APPBP2: variants seen among roughly 807,000 people sequenced by gnomAD.
APPBP2 encodes amyloid protein-binding protein 2.
Under a neutral mutation model 76.0 loss-of-function variants are expected in APPBP2, and 15 were observed. That is an observed-to-expected ratio of 0.20 (90% CI 0.13 to 0.30). The LOEUF (loss-of-function observed/expected upper bound fraction) is 0.30, where lower values mean the gene tolerates loss of function less well. APPBP2 is among the 10% of genes least tolerant of loss of function. The probability of loss-of-function intolerance (pLI) is 1.00; values close to 1 mark genes in which losing one functional copy is unlikely to be tolerated. For synonymous variants in APPBP2, 222 were observed against 242.2 expected (o/e 0.92, Z 0.77); for missense variants, 401 against 687.2 (o/e 0.58, Z 4.66).
chr17:60,524,991 CA>C (rs1292011888), intron 1 of APPBP2, among the ~76,000 whole-genome samples: 1 of 152,204 alleles, frequency 6.6e-6, no homozygotes, highest in East Asian at 1.9e-4. Context: ...CATCTAAGGA[CA>C]CTTACCCTTG....
At chr17:60,516,425 C>A (rs534596648) in intron 1 of APPBP2, among the ~76,000 whole-genome samples, 50 of 152,204 alleles carry the variant, frequency 3.3e-4, no homozygotes, top group Admixed American at 2.4e-3. Flanking sequence ...TTTCTTTTGG[C>A]CTGGGGTTGC....
chr17:60,511,441 T>A (rs557357700), intron 1 of APPBP2, among the ~76,000 whole-genome samples: 51 of 151,910 alleles, frequency 3.4e-4, no homozygotes, highest in Non-Finnish European at 6.5e-4. Context: ...AAAAATTAGC[T>A]GGGCGTGGTG....
intron 3 of APPBP2, among the ~76,000 whole-genome samples, chr17:60,481,575 A>G (rs890194876): frequency 1.9e-4 from 29 of 152,320 alleles, no homozygotes; most frequent in African/African-American, 6.0e-4. Context: ...TAGTTTGACA[A>G]TCCCTAAAAA....
At chr17:60,488,179 C>T (rs1225983302) in intron 3 of APPBP2, among the ~76,000 whole-genome samples, 1 of 152,158 alleles carries the variant, frequency 6.6e-6, no homozygotes. Context: ...GGGTCAGGGA[C>T]CCACTTGAGG....
chr17:60,470,824 TC>T (rs975227811), intron 4 of APPBP2, among the ~76,000 whole-genome samples: 15 of 129,104 alleles, frequency 1.2e-4, no homozygotes, highest in African/African-American at 4.5e-4. Context: ...GGGGTCTTGC[TC>T]TGTTGCCCAG....
rs1301210948 is a variant in APPBP2 at position 60,454,479 on chromosome 17, C to T, written c.1161G>A (p.Glu387=). Residue 387 remains glutamate (E), a synonymous_variant, in exon 11 of 13, where the codon GAG becomes GAA. Coordinates refer to ENST00000083182, the MANE Select transcript of APPBP2 (RefSeq NM_006380.5). ...TATTATGACAATCAATTGCAATCTC[C>T]TCTAAAATAAGTGCTAAAAAAGAAG... ...SSKRVKALIL[E]EIAIDCHNKE... The T allele has an allele frequency of 6.3e-7, 1 of 1,594,140 alleles. No homozygotes were observed. The highest frequency in any genetic ancestry group is 1.2e-5 in the South Asian group (1 of 86,886).
intron 3 of APPBP2, among the ~76,000 whole-genome samples, chr17:60,484,344 T>C (rs1291999265): frequency 6.6e-6 from 1 of 152,232 alleles, no homozygotes; most frequent in Non-Finnish European, 1.5e-5. Flanking sequence ...ATGATACTGA[T>C]TCTTCCTATT....
At chr17:60,497,537 T>G (rs569324165) in intron 2 of APPBP2, among the ~76,000 whole-genome samples, 1 of 152,306 alleles carries the variant, frequency 6.6e-6, no homozygotes, top group African/African-American at 2.4e-5. Context: ...CTTGAGGTGA[T>G]GAACACCTCA....
intron 1 of APPBP2, among the ~76,000 whole-genome samples, chr17:60,505,517 G>A (rs1026056453): frequency 2.0e-5 from 3 of 151,260 alleles, no homozygotes; most frequent in South Asian, 2.1e-4. Context: ...GGGCTTCACG[G>A]TGTTAGCCAG....
At chr17:60,520,600 G>A (rs922340100) in intron 1 of APPBP2, among the ~76,000 whole-genome samples, 6 of 149,706 alleles carry the variant, frequency 4.0e-5, no homozygotes, top group African/African-American at 1.5e-4. Flanking sequence ...AATTAAGATT[G>A]TGAAAACAAT....
At chr17:60,470,135 TATG>T (rs1233434826) in intron 4 of APPBP2, among the ~76,000 whole-genome samples, 4 of 152,218 alleles carry the variant, frequency 2.6e-5, no homozygotes, top group African/African-American at 9.6e-5. Flanking sequence ...GGTAGCTCAT[TATG>T]TTTGATTTCC....
intron 2 of APPBP2, among the ~76,000 whole-genome samples, chr17:60,497,417 A>G (rs2090785326): frequency 6.6e-6 from 1 of 152,220 alleles, no homozygotes; most frequent in South Asian, 2.1e-4. Flanking sequence ...AAGAATGAAT[A>G]AAATCTAGTA....
intron 3 of APPBP2, among the ~76,000 whole-genome samples, chr17:60,487,192 G>A (rs2090686795): frequency 6.6e-6 from 1 of 152,072 alleles, no homozygotes; most frequent in South Asian, 2.1e-4. Flanking sequence ...TCTTCTCAAG[G>A]AATTATCTTT....
In APPBP2 at chr17:60,514,861, C is replaced by T. The variant is rs185799277; in HGVS notation, c.138+10933G>A. ...CTCTGTCGCCCAGGCTGGGGTGCAG[C>T]AGTGCAATCTCAGCTCATTGCAACT... is the stretch of plus-strand genomic sequence containing the variant. On this transcript the variant is annotated intron_variant, in intron 1 of 12. Coordinates refer to ENST00000083182, the MANE Select transcript of APPBP2 (RefSeq NM_006380.5). Among the ~76,000 whole-genome samples the T allele has an allele frequency of 4.5e-4, 69 of 152,074 alleles. No homozygotes were observed. The East Asian group carries it at 0.013, about 28-fold the overall frequency.
intron 4 of APPBP2, among the ~76,000 whole-genome samples, chr17:60,469,997 T>C (rs886992213): frequency 7.2e-5 from 11 of 152,106 alleles, no homozygotes; most frequent in African/African-American, 2.4e-4. Flanking sequence ...CCAGCAACAG[T>C]GCACAAAGTT....
chr17:60,455,837 G>A (rs1403207592), intron 10 of APPBP2, among the ~76,000 whole-genome samples: 1 of 151,574 alleles, frequency 6.6e-6, no homozygotes, highest in Non-Finnish European at 1.5e-5. Flanking sequence ...GAGTGCAGTG[G>A]CACGATCTTG....
In APPBP2 at chr17:60,444,096, C is replaced by T. The variant is rs1398213755; in HGVS notation, c.*3485G>A. 6.6e-6 allele frequency: 1 copy of T among 151,970 alleles called. No homozygotes were observed. Among genetic ancestry groups the T allele is most frequent in the South Asian group, 2.1e-4 (1 of 4,800 alleles). The allele number at this position is 151,970 out of a possible 1,614,324, so 9.4% of individuals were successfully genotyped here. A position where few individuals can be genotyped will look rare whatever the true frequency, so the allele number is the denominator to read the frequency against. On this transcript the variant is annotated 3_prime_UTR_variant, in exon 13 of 13. Transcript: ENST00000083182. ...TGAGCCAAGACGGTGCCATTGCCCT[C>T]CCAGCCTGGGCAACAAGAGCGAAAC... is the stretch of plus-strand genomic sequence containing the variant.
chr17:60,500,889 A>C (rs1598368225), intron 1 of APPBP2, among the ~76,000 whole-genome samples: 1 of 152,200 alleles, frequency 6.6e-6, no homozygotes, highest in African/African-American at 2.4e-5. Context: ...CAAAAATCTC[A>C]GTTCAGTCCT....
intron 3 of APPBP2, among the ~76,000 whole-genome samples, chr17:60,492,371 C>T (rs1444960097): frequency 3.9e-5 from 6 of 152,168 alleles, no homozygotes; most frequent in Non-Finnish European, 8.8e-5. Flanking sequence ...GAGAAGAGGG[C>T]CACTGTGCTC....
Sources: gnomAD v4.1 joint callset for allele counts (sites outside exome capture counted in the v4.1 genomes callset) on GRCh38, gnomAD v4.1.1 for gene constraint, MANE v1.5 for transcripts, NCBI Gene and HGNC (gene_info 2026-07-23, HGNC 2026-07-21) for gene names.